Variants in LIPI observed in about 807,000 individuals in gnomAD.
LIPI encodes lipase member I.
In LIPI, 59 loss-of-function variants were observed where a neutral mutation model predicts 50.6. The observed-to-expected ratio is 1.16, with a 90% CI of 0.94 to 1.45. The LOEUF (loss-of-function observed/expected upper bound fraction) is 1.45. Among genes scored for constraint, LIPI ranks in the 40% most tolerant of loss-of-function variants. The probability of loss-of-function intolerance (pLI) is 0.00; values close to 1 mark genes in which losing one functional copy is unlikely to be tolerated. For missense variants in LIPI, 586 were observed against 536.3 expected (o/e 1.09, Z -0.92); for synonymous variants, 203 against 178.2 (o/e 1.14, Z -1.11).
intron 4 of LIPI, among the ~76,000 whole-genome samples, chr21:14,172,103 A>G (rs1266812713): frequency 6.6e-6 from 1 of 152,188 alleles, no homozygotes; most frequent in East Asian, 1.9e-4. Flanking sequence ...GCAGCCAAAA[A>G]ACACATGAAA....
intron 8 of LIPI, among the ~76,000 whole-genome samples, chr21:14,145,652 TGGAGGAGAAGAA>T (rs2017877431): frequency 6.7e-6 from 1 of 149,854 alleles, no homozygotes; most frequent in Non-Finnish European, 1.5e-5. Context: ...AAGGCGGAGG[TGGAGGAGAAGAA>T]GGAGGAGAAA....
intron 4 of LIPI, among the ~76,000 whole-genome samples, chr21:14,174,255 G>A (rs1343708120): frequency 6.6e-6 from 1 of 152,170 alleles, no homozygotes; most frequent in African/African-American, 2.4e-5. Context: ...GGGCAGCTTG[G>A]TCTGCTTAGA....
chr21:14,210,615 A>C (rs2020337464), intron 1 of LIPI, among the ~76,000 whole-genome samples, 185 bp downstream of exon 1: 1 of 144,264 alleles, frequency 6.9e-6, no homozygotes, highest in Admixed American at 6.7e-5. Context: ...TATTAAACAA[A>C]CACATGCACA....
At chr21:14,159,137 C>T (rs1409755335) in intron 7 of LIPI, among the ~76,000 whole-genome samples, 4 of 151,264 alleles carry the variant, frequency 2.6e-5, no homozygotes, top group Non-Finnish European at 4.4e-5. Context: ...TTTTTTATGA[C>T]GTTGTATTAT....
chr21:14,115,816 A>G (rs1344787045), intron 9 of LIPI, among the ~76,000 whole-genome samples: 1 of 152,126 alleles, frequency 6.6e-6, no homozygotes, highest in East Asian at 1.9e-4. Flanking sequence ...GGGGAGCTTG[A>G]TCACCTCCCA....
In LIPI at chr21:14,152,743, C is replaced by A. The variant is rs190353242; in HGVS notation, c.1007-59G>T. The A allele has an allele frequency of 3.1e-3, 2,527 of 803,576 alleles. 12 individuals are homozygous for A. The highest frequency in any genetic ancestry group is 3.5e-3 in the Non-Finnish European group (1,627 of 470,304). The allele number at this position is 803,576 out of a possible 1,614,324, so 49.8% of individuals were successfully genotyped here. A position where few individuals can be genotyped will look rare whatever the true frequency, so the allele number is the denominator to read the frequency against. On this transcript the variant is annotated intron_variant, in intron 7 of 9. Coordinates refer to ENST00000681601, the MANE Select transcript of LIPI (RefSeq NM_001302998.2). ...TATTTTTTAATTTTTGGTTTTGGTA[C>A]ATATTCAGATATATATATATGTGTA...
intron 4 of LIPI, among the ~76,000 whole-genome samples, chr21:14,170,085 C>T (rs949523926): frequency 1.3e-5 from 2 of 152,180 alleles, no homozygotes; most frequent in African/African-American, 4.8e-5. Flanking sequence ...ACTACAAACA[C>T]CTCGACGCAA....
At chr21:14,125,672 C>T (rs1463119932) in intron 9 of LIPI, among the ~76,000 whole-genome samples, 1 of 152,160 alleles carries the variant, frequency 6.6e-6, no homozygotes, top group African/African-American at 2.4e-5. Flanking sequence ...ATTCTCCTGC[C>T]TCAGCCTACC....
In LIPI at chr21:14,108,889, A is replaced by G. The variant is rs1005542801; in HGVS notation, c.*104T>C. On this transcript the variant is annotated 3_prime_UTR_variant, in exon 10 of 10. Coordinates refer to ENST00000681601, the MANE Select transcript of LIPI (RefSeq NM_001302998.2). ...AAAATTTTTTCCAAGAAATAGAAATACTTGAATCTCAAATTGAACAGTGCA... is the reference window on the plus strand; with the variant it reads ...AAAATTTTTTCCAAGAAATAGAAATGCTTGAATCTCAAATTGAACAGTGCA... The G allele has an allele frequency of 7.2e-7, 1 of 1,390,238 alleles. No homozygotes were observed. The allele number at this position is 1,390,238 out of a possible 1,614,324, so 86.1% of individuals were successfully genotyped here. A position where few individuals can be genotyped will look rare whatever the true frequency, so the allele number is the denominator to read the frequency against.
chr21:14,167,583 C>G (rs562082032), intron 4 of LIPI, among the ~76,000 whole-genome samples: 3 of 152,194 alleles, frequency 2.0e-5, no homozygotes, highest in Non-Finnish European at 4.4e-5. Flanking sequence ...GCAGCCACCA[C>G]GGCTGATACC....
In LIPI at chr21:14,112,423, G is replaced by T. The variant is rs147899786; in HGVS notation, c.1296-3343C>A. Among the ~76,000 whole-genome samples, 513 of 151,918 alleles carry T rather than the reference G, an allele frequency of 3.4e-3. 3 individuals are homozygous for T. Among genetic ancestry groups the T allele is most frequent in the Non-Finnish European group, 6.2e-3 (421 of 67,878 alleles). On this transcript the variant is annotated intron_variant, in intron 9 of 9. Coordinates refer to ENST00000681601, the MANE Select transcript of LIPI (RefSeq NM_001302998.2). ...TTTCATTAAATCTGTAGATCCCTTT[G>T]GTTGTTATGGACATTTTTAACAATA...
At chr21:14,128,941 G>A (rs756111701) in intron 9 of LIPI, among the ~76,000 whole-genome samples, 5 of 152,044 alleles carry the variant, frequency 3.3e-5, no homozygotes, top group African/African-American at 4.8e-5. Flanking sequence ...GGTAGCAGAA[G>A]TGAATAAAGA....
At chr21:14,167,887 G>A (rs1218242814) in intron 4 of LIPI, among the ~76,000 whole-genome samples, 1 of 152,224 alleles carries the variant, frequency 6.6e-6, no homozygotes, top group African/African-American at 2.4e-5. Context: ...CAAGCTGAGA[G>A]AAGAAGGCTT....
intron 7 of LIPI, among the ~76,000 whole-genome samples, chr21:14,158,753 G>C (rs1600874350): frequency 1.3e-5 from 2 of 150,234 alleles, no homozygotes; most frequent in Admixed American, 1.3e-4. Context: ...ATTTTGTCTA[G>C]CAAGACAGAC....
chr21:14,151,625 C>A (rs574349885), intron 8 of LIPI, among the ~76,000 whole-genome samples: 2 of 152,106 alleles, frequency 1.3e-5, no homozygotes, highest in African/African-American at 4.8e-5. Flanking sequence ...AAGTCTAGCA[C>A]AGCAGGTTGG....
chr21:14,210,139 T>A (rs73347924), intron 1 of LIPI, among the ~76,000 whole-genome samples: 2,680 of 152,132 alleles, frequency 0.018, 78 homozygotes, highest in African/African-American at 0.055. Flanking sequence ...CATCTTGAAT[T>A]TTAAATTTGC....
At chr21:14,173,924 T>C (rs1306622642) in intron 4 of LIPI, among the ~76,000 whole-genome samples, 1 of 152,198 alleles carries the variant, frequency 6.6e-6, no homozygotes. Flanking sequence ...CAGTCTGTCT[T>C]AAAATCCCAT....
chr21:14,172,710 C>A (rs2018959653), intron 4 of LIPI, among the ~76,000 whole-genome samples: 1 of 145,588 alleles, frequency 6.9e-6, no homozygotes, highest in African/African-American at 2.6e-5. Flanking sequence ...ACTCTGGGGA[C>A]TGTTGTGGGG....
rs531982897 is a variant in LIPI at position 14,202,386 on chromosome 21, G to A, written c.46+8414C>T. Among the ~76,000 whole-genome samples, 4 of 152,196 alleles carry A rather than the reference G, an allele frequency of 2.6e-5. No individual in the cohort carries two copies. In the South Asian group the frequency reaches 8.3e-4, roughly 32 times the overall value. On this transcript the variant is annotated intron_variant, in intron 1 of 9. Coordinates refer to ENST00000681601, the MANE Select transcript of LIPI (RefSeq NM_001302998.2). ...GCCCACATTGCCAAGTCAATCCTAA[G>A]CCAAAAGAACAAAGCTGGAGGCATC...
Sources: gnomAD v4.1 joint callset for allele counts (sites outside exome capture counted in the v4.1 genomes callset) on GRCh38, gnomAD v4.1.1 for gene constraint, MANE v1.5 for transcripts, NCBI Gene and HGNC (gene_info 2026-07-23, HGNC 2026-07-21) for gene names.